FADS2: variants seen among roughly 807,000 people sequenced by gnomAD.
FADS2 encodes the protein fatty acid desaturase 2, also known as acyl-CoA 6-desaturase.
Under a neutral mutation model 61.2 loss-of-function variants are expected in FADS2, and 18 were observed. That is an observed-to-expected ratio of 0.29 (90% CI 0.20 to 0.44). The LOEUF (loss-of-function observed/expected upper bound fraction) is 0.44, where lower values mean the gene tolerates loss of function less well. FADS2 is among the 20% of genes least tolerant of loss of function. FADS2 has a pLI of 1.00. For missense variants in FADS2, 322 were observed against 572.7 expected (o/e 0.56, Z 4.47); for synonymous variants, 203 against 223.9 (o/e 0.91, Z 0.83).
intron 5 of FADS2, chr11:61,854,834 A>G (rs980278456): frequency 6.6e-6 from 1 of 152,260 alleles, no homozygotes; most frequent in African/African-American, 2.4e-5. Flanking sequence ...CACCATACGC[A>G]TGTACATACA....
chr11:61,843,612 C>G (rs2067233414), intron 4 of FADS2, among the ~76,000 whole-genome samples: 1 of 152,104 alleles, frequency 6.6e-6, no homozygotes, highest in Non-Finnish European at 1.5e-5. Context: ...TAAGGGGACA[C>G]CAGACAAATT....
At chr11:61,830,964 G>A (rs1376739457) in intron 1 of FADS2, among the ~76,000 whole-genome samples, 6 of 152,238 alleles carry the variant, frequency 3.9e-5, no homozygotes, top group African/African-American at 1.2e-4. Flanking sequence ...GTAGCAACAC[G>A]TAAAAGCAAT....
intron 7 of FADS2, among the ~76,000 whole-genome samples, chr11:61,858,924 A>G (rs1187285118): frequency 6.6e-6 from 1 of 152,070 alleles, no homozygotes; most frequent in African/African-American, 2.4e-5. Flanking sequence ...CTAAATTGTC[A>G]CTTTCTGAAA....
At chr11:61,840,298 G>C in intron 2 of FADS2, 36 bp from the exon 3 acceptor site, 3 of 1,565,644 alleles carry the variant, frequency 1.9e-6, no homozygotes, top group Non-Finnish European at 2.6e-6. Context: ...AGAGTGGCTG[G>C]TGGCTGACTC....
At chr11:61,838,887 C>T (rs2067196141) in intron 2 of FADS2, among the ~76,000 whole-genome samples, 4 of 152,126 alleles carry the variant, frequency 2.6e-5, no homozygotes, top group Admixed American at 2.6e-4. Flanking sequence ...CCCTGTAGCT[C>T]CCTTGTCCAT....
At chr11:61,830,006 G>A (rs1165375473) in intron 1 of FADS2, among the ~76,000 whole-genome samples, 1 of 152,182 alleles carries the variant, frequency 6.6e-6, no homozygotes, top group African/African-American at 2.4e-5. Context: ...TTACTTGCTT[G>A]TGGACATTGC....
intron 2 of FADS2, 93 bp downstream of exon 2, chr11:61,837,981 C>A: frequency 1.1e-6 from 1 of 874,182 alleles, no homozygotes; most frequent in Non-Finnish European, 1.9e-6. Context: ...TGACCAGTAA[C>A]TGGGGCTGAG....
At chr11:61,851,334 G>A (rs1565333801) in intron 5 of FADS2, among the ~76,000 whole-genome samples, 1 of 152,176 alleles carries the variant, frequency 6.6e-6, no homozygotes, top group Non-Finnish European at 1.5e-5. Context: ...CTCCTTTCCC[G>A]ACATCTTCTC....
At chr11:61,835,718 T>C (rs1794666126) in intron 1 of FADS2, among the ~76,000 whole-genome samples, 1 of 152,142 alleles carries the variant, frequency 6.6e-6, no homozygotes, top group Non-Finnish European at 1.5e-5. Flanking sequence ...TTTGAAATTT[T>C]CCCAACATCC....
At chr11:61,857,377 T>G in intron 6 of FADS2, 77 bp from the exon 7 acceptor site, 1 of 1,330,582 alleles carries the variant, frequency 7.5e-7, no homozygotes, top group Non-Finnish European at 1.1e-6. Flanking sequence ...CACTCAGTGC[T>G]GGGCCTGGGT....
intron 1 of FADS2, among the ~76,000 whole-genome samples, chr11:61,832,812 C>G (rs1453059159): frequency 6.6e-6 from 1 of 152,232 alleles, no homozygotes; most frequent in Non-Finnish European, 1.5e-5. Context: ...AGTTCTGGTC[C>G]GCAGGGCTGC....
In FADS2 at chr11:61,857,183, T is replaced by C. The variant is rs568152844; in HGVS notation, c.805+112T>C. On this transcript the variant is annotated intron_variant, in intron 6 of 11. Coordinates refer to ENST00000278840, the MANE Select transcript of FADS2 (RefSeq NM_004265.4). ...CAGATCCAGAAAGTGACACTAAACT[T>C]GTTAGAAGCGGGGGCCACAGCAGCC... 8.1e-6 allele frequency: 8 copies of C among 984,004 alleles called. No individual in the cohort carries two copies. The African/African-American group carries it at 1.3e-4, about 16-fold the overall frequency. 61.0% of individuals were successfully genotyped at this position (984,004 alleles called of 1,614,324 possible). A position where few individuals can be genotyped will look rare whatever the true frequency, so the allele number is the denominator to read the frequency against.
chr11:61,826,367 G>C, upstream of FADS2: 1 of 702,524 alleles, frequency 1.4e-6, no homozygotes, highest in Non-Finnish European at 2.6e-6. Context: ...CCCTACACAG[G>C]CCACCCATAC....
chr11:61,841,643 T>C (rs1049718316), intron 4 of FADS2, among the ~76,000 whole-genome samples: 1 of 152,196 alleles, frequency 6.6e-6, no homozygotes, highest in Non-Finnish European at 1.5e-5. Flanking sequence ...AGTCTGTGTT[T>C]TTGGTGCCCC....
At chr11:61,828,053 C>T, upstream of FADS2, 1 of 1,178,772 alleles carries the variant, frequency 8.5e-7, no homozygotes, top group Non-Finnish European at 1.1e-6. This position sits in a 1 kb window ranked among gnomAD's most constrained non-coding sequence, Gnocchi z 6.4. Flanking sequence ...GCGGGGGGAG[C>T]CGGAGGGGCG....
chr11:61,835,284 G>A (rs2067163270), intron 1 of FADS2, among the ~76,000 whole-genome samples: 1 of 152,132 alleles, frequency 6.6e-6, no homozygotes, highest in Non-Finnish European at 1.5e-5. Context: ...CTTGATGCCA[G>A]CAATGCAGTA....
At position 61,865,790 on chromosome 11, in the gene FADS2, A is replaced by G. The variant is rs1440151624; in HGVS notation, c.*101A>G. 1.3e-5 allele frequency: 13 copies of G among 975,992 alleles called. No homozygotes were observed. The highest frequency in any genetic ancestry group is 3.2e-5 in the African/African-American group (2 of 62,116). 60.5% of individuals were successfully genotyped at this position (975,992 alleles called of 1,614,324 possible). ...TGAGGGGTGTCCGAGAGGCTGGTGT[A>G]TGCACTGCTCACGGACCCCATGTTG... On this transcript the variant is annotated 3_prime_UTR_variant, in exon 12 of 12. Coordinates refer to ENST00000278840, the MANE Select transcript of FADS2 (RefSeq NM_004265.4). The surrounding 1 kb of genome is among the most constrained non-coding windows in gnomAD (Gnocchi z 4.1).
At chr11:61,825,470 T>A (rs960027942), upstream of FADS2, among the ~76,000 whole-genome samples, 1 of 151,616 alleles carries the variant, frequency 6.6e-6, no homozygotes, top group African/African-American at 2.4e-5. Flanking sequence ...ATATAAAAAT[T>A]AGCCGGGCAT....
chr11:61,856,883 T>C (rs900206858), intron 5 of FADS2, 128 bp from the exon 6 acceptor site: 18 of 794,712 alleles, frequency 2.3e-5, no homozygotes, highest in Non-Finnish European at 3.5e-5. Flanking sequence ...AGGGTGCAGA[T>C]TGACAGGAAA....
Sources: gnomAD v4.1 joint callset for allele counts (sites outside exome capture counted in the v4.1 genomes callset) on GRCh38, gnomAD v4.1.1 for gene constraint, Gnocchi (gnomAD v3.1) non-coding constraint, MANE v1.5 for transcripts, NCBI Gene and HGNC (gene_info 2026-07-23, HGNC 2026-07-21) for gene names.